The following ERBB4 variants were observed in gnomAD, a reference collection of about 807,000 sequenced individuals.
ERBB4 encodes erb-b2 receptor tyrosine kinase 4, also known as receptor tyrosine-protein kinase erbB-4.
ERBB4 carries 42 observed loss-of-function variants against 158.0 expected under a neutral mutation model. That is an observed-to-expected ratio of 0.27 (90% CI 0.21 to 0.34). The LOEUF is 0.34. Among genes scored for constraint, ERBB4 ranks in the 10% least tolerant of loss-of-function variants. The pLI is 1.00. For missense variants in ERBB4, 1,333 were observed against 1,624.1 expected (o/e 0.82, Z 3.08); for synonymous variants, 583 against 558.7 (o/e 1.04, Z -0.61).
chr2:212,445,960 A>G (rs928684703), intron 1 of ERBB4, among the ~76,000 whole-genome samples: 1 of 152,204 alleles, frequency 6.6e-6, no homozygotes, highest in Non-Finnish European at 1.5e-5. Context: ...TACTAAGAAA[A>G]TATCTTCATT....
rs147542134 is a variant in ERBB4 at position 211,952,542 on chromosome 2, G to T, written c.235-4926C>A. ...TTTCCACTGTTTTAGAAAATTTTGAGAGAATAAAAACAACTTTTAAACATA... is the reference window on the plus strand; with the variant it reads ...TTTCCACTGTTTTAGAAAATTTTGATAGAATAAAAACAACTTTTAAACATA... On this transcript the variant is annotated intron_variant, in intron 2 of 27. Coordinates refer to ENST00000342788, the MANE Select transcript of ERBB4 (RefSeq NM_005235.3). Among the ~76,000 whole-genome samples, 36 of 152,148 alleles carry T rather than the reference G, an allele frequency of 2.4e-4. No homozygotes were observed. The East Asian group carries it at 6.4e-3, about 27-fold the overall frequency.
chr2:211,897,467 A>T (rs893360177), intron 3 of ERBB4, among the ~76,000 whole-genome samples: 1 of 151,694 alleles, frequency 6.6e-6, no homozygotes, highest in Admixed American at 6.6e-5. Flanking sequence ...TCTGCCTGAC[A>T]TATCCTTTGC....
At chr2:212,354,582 C>G (rs1020678264) in intron 1 of ERBB4, among the ~76,000 whole-genome samples, 2 of 152,092 alleles carry the variant, frequency 1.3e-5, no homozygotes, top group African/African-American at 4.8e-5. Context: ...ATTCTTACAC[C>G]AGCAATTTCA....
At chr2:212,387,409 T>C (rs1199435740) in intron 1 of ERBB4, among the ~76,000 whole-genome samples, 1 of 152,078 alleles carries the variant, frequency 6.6e-6, no homozygotes, top group African/African-American at 2.4e-5. Flanking sequence ...CTATCTCAAC[T>C]GAAGTCTTAC....
At chr2:211,670,515 A>G (rs1191891996) in intron 14 of ERBB4, among the ~76,000 whole-genome samples, 3 of 152,210 alleles carry the variant, frequency 2.0e-5, no homozygotes. Flanking sequence ...GAAATTAATG[A>G]ATGAGTTATT....
intron 16 of ERBB4, among the ~76,000 whole-genome samples, chr2:211,637,506 C>G (rs925605603): frequency 1.3e-5 from 2 of 152,080 alleles, no homozygotes; most frequent in African/African-American, 4.8e-5. Context: ...GGGAAATAAT[C>G]TAATAAAAAT....
At chr2:212,470,049 C>T (rs1689038368) in intron 1 of ERBB4, among the ~76,000 whole-genome samples, 1 of 152,092 alleles carries the variant, frequency 6.6e-6, no homozygotes, top group African/African-American at 2.4e-5. Context: ...TACATACAGT[C>T]TTCAATATCA....
At chr2:211,801,526 T>A (rs144227561) in intron 3 of ERBB4, among the ~76,000 whole-genome samples, 108 of 152,238 alleles carry the variant, frequency 7.1e-4, no homozygotes, top group Non-Finnish European at 1.4e-3. Flanking sequence ...TTTATGTACA[T>A]TAATTTCATA....
At chr2:211,795,361 G>T (rs947080129) in intron 3 of ERBB4, among the ~76,000 whole-genome samples, 10 of 151,714 alleles carry the variant, frequency 6.6e-5, no homozygotes, top group African/African-American at 2.4e-4. Flanking sequence ...TGTACTCACG[G>T]TATCTGTCGC....
intron 2 of ERBB4, among the ~76,000 whole-genome samples, chr2:212,055,634 C>G (rs1288537240): frequency 6.6e-6 from 1 of 152,254 alleles, no homozygotes; most frequent in East Asian, 1.9e-4. Context: ...ATTTGCTGTT[C>G]TGCAGCCACC....
intron 1 of ERBB4, among the ~76,000 whole-genome samples, chr2:212,351,544 T>G (rs1483502927): frequency 6.6e-5 from 10 of 152,148 alleles, no homozygotes. Flanking sequence ...AGTTGATCAT[T>G]CCCCACAAGT....
chr2:212,534,423 T>TTTGGCC (rs1692929018), intron 1 of ERBB4, among the ~76,000 whole-genome samples: 1 of 152,178 alleles, frequency 6.6e-6, no homozygotes, highest in Non-Finnish European at 1.5e-5. Flanking sequence ...TGTGGAAAGG[T>TTTGGCC]TTGGCCTTGG....
chr2:211,590,462 T>C (rs2068426914), intron 19 of ERBB4, among the ~76,000 whole-genome samples: 1 of 152,160 alleles, frequency 6.6e-6, no homozygotes, highest in East Asian at 1.9e-4. Context: ...TTGCAGCCTC[T>C]ATCCTTGATG....
At chr2:212,256,018 G>T (rs866353681) in intron 1 of ERBB4, among the ~76,000 whole-genome samples, 29 of 50,382 alleles carry the variant, frequency 5.8e-4, no homozygotes, top group South Asian at 2.4e-3. Context: ...TTTTACAAAT[G>T]GGGGGGGGTC....
At chr2:211,602,712 A>G (rs949348116) in intron 19 of ERBB4, among the ~76,000 whole-genome samples, 1 of 152,138 alleles carries the variant, frequency 6.6e-6, no homozygotes, top group African/African-American at 2.4e-5. Flanking sequence ...ATTGCATTCT[A>G]TCTCCTGATT....
intron 16 of ERBB4, among the ~76,000 whole-genome samples, chr2:211,638,243 T>C (rs1246112023): frequency 6.6e-6 from 1 of 152,070 alleles, no homozygotes; most frequent in Non-Finnish European, 1.5e-5. Context: ...ACAGTACCTA[T>C]TGTACTGCTA....
intron 2 of ERBB4, among the ~76,000 whole-genome samples, chr2:212,075,055 T>C (rs1230352171): frequency 1.3e-5 from 2 of 151,916 alleles, no homozygotes; most frequent in African/African-American, 4.8e-5. Flanking sequence ...AGGGCTCTTT[T>C]CATGATAACA....
chr2:211,467,512 C>T (rs1234040958), intron 20 of ERBB4, among the ~76,000 whole-genome samples: 2 of 152,112 alleles, frequency 1.3e-5, no homozygotes, highest in Admixed American at 6.6e-5. Flanking sequence ...ACAGTGCTTC[C>T]ACCTGTCCAT....
intron 1 of ERBB4, among the ~76,000 whole-genome samples, chr2:212,280,649 A>G (rs182469675): frequency 2.0e-5 from 3 of 151,764 alleles, no homozygotes; most frequent in Admixed American, 1.3e-4. Context: ...AACATTTTTT[A>G]TCAGGAGTAT....
Sources: gnomAD v4.1 joint callset for allele counts (sites outside exome capture counted in the v4.1 genomes callset) on GRCh38, gnomAD v4.1.1 for gene constraint, MANE v1.5 for transcripts, NCBI Gene and HGNC (gene_info 2026-07-23, HGNC 2026-07-21) for gene names.